MOGAT1: variants seen among roughly 807,000 people sequenced by gnomAD.
The protein encoded by MOGAT1 is monoacylglycerol O-acyltransferase 1.
Under a neutral mutation model 31.4 loss-of-function variants are expected in MOGAT1, and 32 were observed. That is an observed-to-expected ratio of 1.02 (90% confidence interval 0.77 to 1.37). The LOEUF is 1.37. Ranked by LOEUF, MOGAT1 falls within the 40% of genes most tolerant of loss-of-function variation. The pLI is 0.00. For missense variants in MOGAT1, 426 were observed against 402.0 expected (o/e 1.06, Z -0.51); for synonymous variants, 145 against 144.5 (o/e 1.00, Z -0.03).
intron 1 of MOGAT1, among the ~76,000 whole-genome samples, chr2:222,680,550 G>A (rs1250617782): frequency 6.6e-6 from 1 of 152,092 alleles, no homozygotes; most frequent in Admixed American, 6.5e-5. Context: ...AACTCTGGGA[G>A]GCAAGTTCTC....
intron 1 of MOGAT1, among the ~76,000 whole-genome samples, chr2:222,687,572 CA>C (rs1462063648): frequency 2.0e-5 from 3 of 152,192 alleles, no homozygotes; most frequent in African/African-American, 7.2e-5. Flanking sequence ...CTTGTCACTA[CA>C]ACCCAAGTCA....
In MOGAT1 at chr2:222,694,302, T is replaced by A. The variant is rs569705976; in HGVS notation, c.479-60T>A. 2.6e-4 allele frequency: 367 copies of A among 1,410,028 alleles called. 2 individuals are homozygous for A. In the African/African-American group the frequency reaches 4.9e-3, roughly 19 times the overall value. The allele number at this position is 1,410,028 out of a possible 1,614,324, so 87.3% of individuals were successfully genotyped here. On this transcript the variant is annotated intron_variant, in intron 3 of 5. Transcript: ENST00000446656. ...TTACTATTGTCATGGAATATTATGA[T>A]AAAACATTGTAATATTGTTAGAAAA...
At chr2:222,696,343 A>G (rs182284451) in intron 5 of MOGAT1, among the ~76,000 whole-genome samples, 48 of 152,330 alleles carry the variant, frequency 3.2e-4, no homozygotes, top group African/African-American at 9.9e-4. Flanking sequence ...GAATGTCTAC[A>G]GTTTTCCCTA....
intron 1 of MOGAT1, among the ~76,000 whole-genome samples, chr2:222,679,567 TAC>T (rs989012685): frequency 3.5e-4 from 53 of 152,368 alleles, no homozygotes; most frequent in African/African-American, 1.1e-3. Context: ...ACAGCCACAG[TAC>T]AATTACCCAA....
At chr2:222,691,400 G>A (rs1211724606) in intron 3 of MOGAT1, among the ~76,000 whole-genome samples, 1 of 151,476 alleles carries the variant, frequency 6.6e-6, no homozygotes, top group Non-Finnish European at 1.5e-5. Context: ...GTAGAAACGG[G>A]GTTTCACCAT....
intron 1 of MOGAT1, 115 bp from the exon 2 acceptor site, chr2:222,688,229 C>A: frequency 1.4e-6 from 1 of 721,140 alleles, no homozygotes; most frequent in Non-Finnish European, 2.2e-6. Context: ...TATTACCTTA[C>A]CTGAACTGAG....
In MOGAT1 at chr2:222,680,112, G is replaced by A. The variant is rs531383976; in HGVS notation, c.95-8232G>A. The stretch of plus-strand genomic sequence containing the variant: ...AATTAGCTCCATAACTAAATTTGCT[G>A]TAATTTTGTCTTTTCACATTATTTT... On this transcript the variant is annotated intron_variant, in intron 1 of 5. Coordinates refer to ENST00000446656, the MANE Select transcript of MOGAT1 (RefSeq NM_058165.3). Among the ~76,000 whole-genome samples, 4 of 152,314 alleles carry A rather than the reference G, an allele frequency of 2.6e-5. No individual in the cohort carries two copies. The East Asian group carries it at 7.7e-4, about 29-fold the overall frequency.
At position 222,685,598 on chromosome 2, in the gene MOGAT1, C is replaced by CTTTT. The variant is rs574124301; in HGVS notation, c.95-2729_95-2726dup. Among the ~76,000 whole-genome samples the CTTTT allele has an allele frequency of 1.5e-3, 174 of 119,930 alleles. 1 individual carries two copies. Among genetic ancestry groups the CTTTT allele is most frequent in the African/African-American group, 2.2e-3 (68 of 30,922 alleles). 78.7% of individuals were successfully genotyped at this position (119,930 alleles called of 152,430 possible). A position where few individuals can be genotyped will look rare whatever the true frequency, so the allele number is the denominator to read the frequency against. On this transcript the variant is annotated intron_variant, in intron 1 of 5. Coordinates refer to ENST00000446656, the MANE Select transcript of MOGAT1 (RefSeq NM_058165.3). ...GTTTTTATAGTGTTTTCTTCTTCTT[C>CTTTT]TTTTTTTTTTTTTTTTTTTTGAGAG...
chr2:222,705,876 C>A (rs1397018436), intron 5 of MOGAT1, among the ~76,000 whole-genome samples: 1 of 152,176 alleles, frequency 6.6e-6, no homozygotes, highest in Non-Finnish European at 1.5e-5. Context: ...TGGTAGCTTT[C>A]AACCTCATTT....
At chr2:222,687,756 G>A (rs531798970) in intron 1 of MOGAT1, among the ~76,000 whole-genome samples, 8 of 152,194 alleles carry the variant, frequency 5.3e-5, no homozygotes, top group Non-Finnish European at 1.0e-4. Flanking sequence ...AATGAAGTTT[G>A]TTGCTAGAAT....
chr2:222,681,088 A>G (rs529272511), intron 1 of MOGAT1, among the ~76,000 whole-genome samples: 1 of 152,300 alleles, frequency 6.6e-6, no homozygotes, highest in East Asian at 1.9e-4. Context: ...CTCCTTGTCG[A>G]AAGTCTTCAA....
intron 1 of MOGAT1, among the ~76,000 whole-genome samples, chr2:222,675,053 G>A (rs1692474812): frequency 6.6e-6 from 1 of 152,186 alleles, no homozygotes; most frequent in Non-Finnish European, 1.5e-5. Context: ...TGTCTTTCAG[G>A]TAGAACAGTG....
In MOGAT1 at chr2:222,688,500, T is replaced by G. The variant is rs1448930464; in HGVS notation, c.251T>G (p.Phe84Cys). The G allele has an allele frequency of 6.2e-7, 1 of 1,611,836 alleles. No homozygotes were observed. The change falls in exon 2 of 6, where the codon TTT becomes TGT. Residue 84 changes from phenylalanine to cysteine, a missense_variant. By Grantham distance (205) the Phe-to-Cys change is radical (BLOSUM62 -2). Transcript: ENST00000446656. ...AAAAATTGGACTCTTTGGAAACACTTTAAGGACTATTTTCCAATTCATGTG... is the reference window on the plus strand; with the variant it reads ...AAAAATTGGACTCTTTGGAAACACTGTAAGGACTATTTTCCAATTCATGTG... ...WIKNWTLWKH[F>C]KDYFPIHLIK... is the part of the protein sequence containing the mutation.
chr2:222,698,166 C>G (rs1045402529), intron 5 of MOGAT1, among the ~76,000 whole-genome samples: 6 of 152,160 alleles, frequency 3.9e-5, no homozygotes, highest in Non-Finnish European at 8.8e-5. Context: ...ATAAGGATTC[C>G]TTGTGCATTT....
chr2:222,679,532 C>T lies in MOGAT1; in HGVS notation c.94+7653C>T, dbSNP rs77903280. Among the ~76,000 whole-genome samples the T allele has an allele frequency of 1.2e-3, 184 of 152,270 alleles. 2 individuals are homozygous for T. The East Asian group carries it at 0.015, about 13-fold the overall frequency. On this transcript the variant is annotated intron_variant, in intron 1 of 5. Coordinates refer to ENST00000446656, the MANE Select transcript of MOGAT1 (RefSeq NM_058165.3). ...CTGAACTGATTACAGTACATATGTC[C>T]TAAAACCAAGAACATTTCTCTTCCA...
intron 5 of MOGAT1, among the ~76,000 whole-genome samples, chr2:222,703,963 G>A (rs184108525): frequency 1.2e-3 from 181 of 152,198 alleles, no homozygotes; most frequent in African/African-American, 2.8e-3. Context: ...GCATAGCACC[G>A]TAGAAACTGA....
intron 5 of MOGAT1, among the ~76,000 whole-genome samples, chr2:222,705,157 A>T (rs1418180037): frequency 6.6e-6 from 1 of 152,204 alleles, no homozygotes; most frequent in Non-Finnish European, 1.5e-5. Flanking sequence ...GTAAACTGCC[A>T]TGGAACTAAT....
Position 222,694,456 on chromosome 2 carries a change from A to G in MOGAT1, c.573A>G (p.Glu191=), listed in dbSNP as rs1201782221. 4 of 1,613,858 alleles carry G rather than the reference A, an allele frequency of 2.5e-6. No individual in the cohort carries two copies. In the African/African-American group the frequency reaches 5.3e-5, roughly 22 times the overall value. ...TCATTGTCCTTGGGGGTGCAAAAGA[A>G]TCACTGGATGCTCATCCTGGAAAGT... is the stretch of plus-strand genomic sequence containing the variant. ...ISVIVLGGAK[E]SLDAHPGKFT... is the part of the protein sequence containing the mutation. The change falls in exon 4 of 6, where the codon GAA becomes GAG. Residue 191 remains glutamate, a synonymous_variant. Coordinates refer to ENST00000446656, the MANE Select transcript of MOGAT1 (RefSeq NM_058165.3).
chr2:222,709,927 T>A lies in MOGAT1; in HGVS notation c.*37T>A. On this transcript the variant is annotated 3_prime_UTR_variant, in exon 6 of 6. Coordinates refer to ENST00000446656, the MANE Select transcript of MOGAT1 (RefSeq NM_058165.3). ...AAAAAAATTAAAAAATAAAAATAAA[T>A]GACTTGGCTGTAATAAGGCATAAAG... 6.9e-7 allele frequency: 1 copy of A among 1,449,842 alleles called. No homozygotes were observed. 89.8% of individuals were successfully genotyped at this position (1,449,842 alleles called of 1,614,324 possible).
Sources: gnomAD v4.1 joint callset for allele counts (sites outside exome capture counted in the v4.1 genomes callset) on GRCh38, gnomAD v4.1.1 for gene constraint, MANE v1.5 for transcripts, NCBI Gene and HGNC (gene_info 2026-07-23, HGNC 2026-07-21) for gene names.